RRN3: variants seen among roughly 807,000 people sequenced by gnomAD.
RRN3 encodes RNA polymerase I-specific transcription initiation factor RRN3.
A neutral mutation model predicts 82.3 loss-of-function variants in RRN3; 38 were observed. That is an observed-to-expected ratio of 0.46 (90% CI 0.36 to 0.61). RRN3 has a LOEUF of 0.61. RRN3 is among the 20% of genes least tolerant of loss of function. The pLI, the probability that RRN3 is intolerant of heterozygous loss-of-function variation, is 0.00. For synonymous variants in RRN3, 284 were observed against 284.3 expected, an observed-to-expected ratio of 1.00 and a Z score of 0.01; for missense variants, 726 against 793.1, an observed-to-expected ratio of 0.92 and a Z score of 1.02.
At chr16:15,073,103 C>T (rs2045304991) in intron 11 of RRN3, 23 bp from the exon 12 acceptor site, 4 of 1,601,826 alleles carry the variant, frequency 2.5e-6, no homozygotes, top group Non-Finnish European at 3.4e-6. Flanking sequence ...TCTGGCATCT[C>T]AGTTTTTATA....
chr16:15,060,378 A>T lies in RRN3; in HGVS notation c.*1366T>A, dbSNP rs915916902. 1.0e-5 allele frequency: 2 copies of T among 199,822 alleles called. No homozygotes were observed. Among genetic ancestry groups the T allele is most frequent in the South Asian group, 1.4e-4 (2 of 14,414 alleles). 12.4% of individuals were successfully genotyped at this position (199,822 alleles called of 1,614,324 possible). On this transcript the variant is annotated 3_prime_UTR_variant, in exon 18 of 18. Transcript: ENST00000198767. Reference sequence around the variant, plus strand: ...GCAATAAAAATTTCTATTTTCCAAAAAAGTATTTACAGACTGAAATTCAAA... The same window carrying T: ...GCAATAAAAATTTCTATTTTCCAAATAAGTATTTACAGACTGAAATTCAAA...
chr16:15,077,764 C>A (rs1348754386), intron 9 of RRN3, among the ~76,000 whole-genome samples: 2 of 152,194 alleles, frequency 1.3e-5, no homozygotes, highest in East Asian at 1.9e-4. Context: ...CTGCTTGAAC[C>A]CCGGAGGTGG....
At chr16:15,066,038 G>C (rs563860246) in intron 15 of RRN3, among the ~76,000 whole-genome samples, 7 of 152,270 alleles carry the variant, frequency 4.6e-5, no homozygotes, top group Admixed American at 3.3e-4. Flanking sequence ...TTATCTATTG[G>C]ACAGCTTCTC....
In RRN3 at chr16:15,068,202, G is replaced by A; in HGVS notation, c.1520C>T (p.Pro507Leu). The A allele has an allele frequency of 6.3e-7, 1 of 1,595,436 alleles. No individual in the cohort carries two copies. The highest frequency in any genetic ancestry group is 8.5e-7 in the Non-Finnish European group (1 of 1,171,318). Residue 507 changes from proline (P) to leucine (L), a missense_variant, in exon 15 of 18, where the codon CCC becomes CTC. Around this residue, in one of 4 missense-constraint regions of RRN3, gnomAD observed 81 missense variants for 156.4 expected, o/e 0.52. Coordinates refer to ENST00000198767, the MANE Select transcript of RRN3 (RefSeq NM_018427.5). ...TGCAGCAAAAAAGTTAACCACTGAG[G>A]GCAGGCAAATCTTCAGGGGATTTAG... ...SQLNPLKICL[P>L]SVVNFFAAIT...
At chr16:15,075,794 T>C (rs779475572) in intron 10 of RRN3, among the ~76,000 whole-genome samples, 2 of 152,136 alleles carry the variant, frequency 1.3e-5, no homozygotes, top group Non-Finnish European at 2.9e-5. Context: ...TGGCGGGTGC[T>C]TTTGGTGCCG....
rs533301287 is a variant in RRN3 at position 15,066,767 on chromosome 16, G to C, written c.1554-1396C>G. Among the ~76,000 whole-genome samples the C allele has an allele frequency of 1.0e-3, 151 of 151,108 alleles. 1 individual carries two copies. The highest frequency in any genetic ancestry group is 3.6e-3 in the African/African-American group (147 of 41,326). On this transcript the variant is annotated intron_variant, in intron 15 of 17. Transcript: ENST00000198767. ...GTGTCAATATGGTTCAATCTCAAAA[G>C]CATCAAGCAGGCAAAAGCAACAGCT...
intron 8 of RRN3, among the ~76,000 whole-genome samples, chr16:15,081,392 C>T (rs985442197): frequency 1.1e-4 from 16 of 152,162 alleles, no homozygotes; most frequent in African/African-American, 3.1e-4. Context: ...TTGTTACTGT[C>T]TTCTCGTTCT....
rs775698667 is a variant in RRN3 at position 15,060,146 on chromosome 16, T to C, written c.*1598A>G. 2.4e-6 allele frequency: 1 copy of C among 410,654 alleles called. No homozygotes were observed. The highest frequency in any genetic ancestry group is 1.9e-5 in the South Asian group (1 of 53,290). 25.4% of individuals were successfully genotyped at this position (410,654 alleles called of 1,614,324 possible). A position where few individuals can be genotyped will look rare whatever the true frequency, so the allele number is the denominator to read the frequency against. Reference sequence around the variant, plus strand: ...AAACTCCTTTGAAATTAAACAGACTTATATGTAAATGTCTTTCTACATTAA... The same window carrying C: ...AAACTCCTTTGAAATTAAACAGACTCATATGTAAATGTCTTTCTACATTAA... On this transcript the variant is annotated 3_prime_UTR_variant, in exon 18 of 18. Coordinates refer to ENST00000198767, the MANE Select transcript of RRN3 (RefSeq NM_018427.5).
rs867625351 is a variant in RRN3 at position 15,065,149 on chromosome 16, G to C, written c.1706+70C>G. 3.6e-5 allele frequency: 54 copies of C among 1,479,586 alleles called. No individual in the cohort carries two copies. The Middle Eastern group carries it at 7.1e-4, about 20-fold the overall frequency. The allele number at this position is 1,479,586 out of a possible 1,614,324, so 91.7% of individuals were successfully genotyped here. A position where few individuals can be genotyped will look rare whatever the true frequency, so the allele number is the denominator to read the frequency against. On this transcript the variant is annotated intron_variant, in intron 16 of 17. Transcript: ENST00000198767. ...CCACCGCACTCCAGCCTGGGCGACA[G>C]AGTGAGACTCCGTCTCAAAAAAAAA... is the stretch of plus-strand genomic sequence containing the variant.
At chr16:15,071,346 A>G (rs1434342819) in intron 12 of RRN3, 95 bp from the exon 13 acceptor site, 1 of 1,145,970 alleles carries the variant, frequency 8.7e-7, no homozygotes, top group Non-Finnish European at 1.2e-6. Flanking sequence ...AATGTAGGGA[A>G]AAGTTCTACT....
chr16:15,061,999 A>C lies in RRN3; in HGVS notation c.1795-94T>G. 4 of 1,219,730 alleles carry C rather than the reference A, an allele frequency of 3.3e-6. No individual in the cohort carries two copies. The South Asian group carries it at 4.5e-5, about 14-fold the overall frequency. 75.6% of individuals were successfully genotyped at this position (1,219,730 alleles called of 1,614,324 possible). On this transcript the variant is annotated intron_variant, in intron 17 of 17. Transcript: ENST00000198767. ...CTCAGGAAGGTGTTAACGTTTGTAA[A>C]GATGGTGAAGAAAATATCTTAATTT...
At chr16:15,075,127 G>C (rs1351610083) in intron 10 of RRN3, among the ~76,000 whole-genome samples, 1 of 151,604 alleles carries the variant, frequency 6.6e-6, no homozygotes, top group Non-Finnish European at 1.5e-5. Flanking sequence ...GTGCACGCCT[G>C]TAATTCCAGT....
At chr16:15,093,394 C>T (rs1471410438) in intron 1 of RRN3, among the ~76,000 whole-genome samples, 3 of 152,166 alleles carry the variant, frequency 2.0e-5, no homozygotes, top group Non-Finnish European at 4.4e-5. Context: ...CTTCTCCCTC[C>T]CCCATTACCT....
Position 15,080,099 on chromosome 16 carries a change from A to G in RRN3, c.667-3T>C, listed in dbSNP as rs760835252. On this transcript the variant is annotated splice_polypyrimidine_tract_variant and splice_region_variant and intron_variant, in intron 8 of 17. Coordinates refer to ENST00000198767, the MANE Select transcript of RRN3 (RefSeq NM_018427.5). The stretch of plus-strand genomic sequence containing the variant: ...AGTAAGTTATGAACGTAACATTCCT[A>G]AAGGAGAAAATGTAAGATAAAACAT... 9 of 1,592,994 alleles carry G rather than the reference A, an allele frequency of 5.6e-6. 1 individual carries two copies. In the Admixed American group the frequency reaches 1.6e-4, roughly 28 times the overall value.
chr16:15,068,204 C>G lies in RRN3; in HGVS notation c.1518G>C (p.Leu506=), dbSNP rs2045061360. ...MSQLNPLKIC[L]PSVVNFFAAI... ...CAGCAAAAAAGTTAACCACTGAGGG[C>G]AGGCAAATCTTCAGGGGATTTAGCT... Residue 506 remains leucine (L), a synonymous_variant, in exon 15 of 18, where the codon CTG becomes CTC. Coordinates refer to ENST00000198767, the MANE Select transcript of RRN3 (RefSeq NM_018427.5). The G allele has an allele frequency of 6.3e-7, 1 of 1,597,094 alleles. No homozygotes were observed. Among genetic ancestry groups the G allele is most frequent in the Admixed American group, 1.7e-5 (1 of 58,150 alleles).
At chr16:15,093,554 G>C (rs531023763) in intron 1 of RRN3, among the ~76,000 whole-genome samples, 3 of 152,254 alleles carry the variant, frequency 2.0e-5, no homozygotes, top group Admixed American at 2.0e-4. Flanking sequence ...GCAGGAGCTC[G>C]ATAATTATTA....
chr16:15,085,265 C>A (rs1259117509), intron 6 of RRN3, among the ~76,000 whole-genome samples: 1 of 151,904 alleles, frequency 6.6e-6, no homozygotes, highest in African/African-American at 2.4e-5. Context: ...AAGATTACAT[C>A]AAAGGTTGTC....
At chr16:15,062,633 G>C (rs1597863269) in intron 17 of RRN3, among the ~76,000 whole-genome samples, 1 of 152,302 alleles carries the variant, frequency 6.6e-6, no homozygotes, top group Non-Finnish European at 1.5e-5. Flanking sequence ...AATGTAAACT[G>C]CTGGGGCAAT....
chr16:15,090,786 T>A (rs1007968520), intron 3 of RRN3, among the ~76,000 whole-genome samples: 1 of 151,394 alleles, frequency 6.6e-6, no homozygotes, highest in Non-Finnish European at 1.5e-5. Context: ...AACTGGGCAG[T>A]AAAGGAAGAA....
Sources: gnomAD v4.1 joint callset for allele counts (sites outside exome capture counted in the v4.1 genomes callset) on GRCh38, gnomAD v4.1.1 for gene constraint, gnomAD v4.1.1 regional missense constraint, MANE v1.5 for transcripts, NCBI Gene and HGNC (gene_info 2026-07-23, HGNC 2026-07-21) for gene names.